The following ASIC2 variants were observed in gnomAD, a reference collection of about 807,000 sequenced individuals.
ASIC2 encodes acid-sensing ion channel 2.
In ASIC2, 25 loss-of-function variants were observed where a neutral mutation model predicts 57.3. The observed-to-expected ratio is 0.44, with a 90% CI of 0.32 to 0.61. ASIC2 has a LOEUF of 0.61. ASIC2 is among the 20% of genes least tolerant of loss of function. The pLI, the probability that ASIC2 is intolerant of heterozygous loss-of-function variation, is 0.06. For missense variants in ASIC2, 641 were observed against 738.1 expected (o/e 0.87, Z 1.52); for synonymous variants, 319 against 307.5 (o/e 1.04, Z -0.39).
At chr17:33,024,516 G>A (rs1378535857) in intron 5 of ASIC2, among the ~76,000 whole-genome samples, 2 of 152,154 alleles carry the variant, frequency 1.3e-5, no homozygotes, top group Non-Finnish European at 2.9e-5. Context: ...CCTGCATCTG[G>A]AACCCTTCCT....
chr17:33,662,039 A>G (rs1395711604), intron 1 of ASIC2, among the ~76,000 whole-genome samples: 24 of 152,168 alleles, frequency 1.6e-4, no homozygotes, highest in Admixed American at 1.6e-3. Flanking sequence ...TTAAGAAATA[A>G]TACTTCCTAC....
chr17:33,218,391 T>C (rs996984801), intron 1 of ASIC2, among the ~76,000 whole-genome samples: 19 of 152,196 alleles, frequency 1.2e-4, no homozygotes, highest in African/African-American at 3.6e-4. Context: ...CTGTGTTCTA[T>C]TCATCTGAGC....
At chr17:33,898,245 T>TTTC (rs1302367896) in intron 1 of ASIC2, among the ~76,000 whole-genome samples, 1 of 101,306 alleles carries the variant, frequency 9.9e-6, no homozygotes, top group Non-Finnish European at 2.0e-5. Flanking sequence ...TTTTTTTTTT[T>TTTC]TTTTTTTTGA....
At chr17:33,689,890 G>T (rs1009580187) in intron 1 of ASIC2, among the ~76,000 whole-genome samples, 2 of 152,202 alleles carry the variant, frequency 1.3e-5, no homozygotes, top group Non-Finnish European at 2.9e-5. Flanking sequence ...ACCACCAGAA[G>T]CTGGAAAGGC....
intron 1 of ASIC2, among the ~76,000 whole-genome samples, chr17:33,773,450 G>A (rs1337515412): frequency 6.6e-6 from 1 of 152,040 alleles, no homozygotes; most frequent in African/African-American, 2.4e-5. Context: ...TATGTGGCGG[G>A]GCAGGTTTGG....
At chr17:33,079,902 C>A (rs1399510190) in intron 3 of ASIC2, among the ~76,000 whole-genome samples, 1 of 152,108 alleles carries the variant, frequency 6.6e-6, no homozygotes, top group Admixed American at 6.5e-5. Context: ...GCACTCCGGC[C>A]ATTTACAGAG....
intron 1 of ASIC2, among the ~76,000 whole-genome samples, chr17:33,859,445 G>A (rs971999099): frequency 2.0e-5 from 3 of 152,170 alleles, no homozygotes; most frequent in South Asian, 4.1e-4. Flanking sequence ...CAATATTACC[G>A]TCCATCTGTT....
chr17:33,791,415 C>T (rs1911768435), intron 1 of ASIC2, among the ~76,000 whole-genome samples: 1 of 152,208 alleles, frequency 6.6e-6, no homozygotes, highest in African/African-American at 2.4e-5. Flanking sequence ...ATTCCTTTTG[C>T]TGTAGAAGTC....
intron 1 of ASIC2, among the ~76,000 whole-genome samples, chr17:33,341,136 A>G (rs1907704935): frequency 6.6e-6 from 1 of 152,206 alleles, no homozygotes; most frequent in African/African-American, 2.4e-5. Context: ...AGTGGTAATC[A>G]AATGTTAGTG....
At chr17:33,269,222 A>T (rs1904348228) in intron 1 of ASIC2, among the ~76,000 whole-genome samples, 1 of 152,096 alleles carries the variant, frequency 6.6e-6, no homozygotes, top group Non-Finnish European at 1.5e-5. Flanking sequence ...TAGAGTAATA[A>T]ATCCAGATCC....
At position 33,528,167 on chromosome 17, in the gene ASIC2, G is replaced by GGTGAGTGTGTGT. The variant is rs1555541094; in HGVS notation, c.556-416101_556-416100insACACACACTCAC. Among the ~76,000 whole-genome samples the GGTGAGTGTGTGT allele has an allele frequency of 7.0e-5, 10 of 143,506 alleles. No individual in the cohort carries two copies. The South Asian group carries it at 2.3e-3, about 33-fold the overall frequency. The allele number at this position is 143,506 out of a possible 152,430, so 94.1% of individuals were successfully genotyped here. Reference sequence around the variant, plus strand: ...GCCTGGCTGACCCGTGTATGTGGTAGGTGTGTGTGTGTGTGTGTGGTTTCC... The same window carrying GGTGAGTGTGTGT: ...GCCTGGCTGACCCGTGTATGTGGTAGGTGAGTGTGTGTGTGTGTGTGTGTGTGTGTGGTTTCC... On this transcript the variant is annotated intron_variant, in intron 1 of 9. Coordinates refer to the ASIC2 transcript ENST00000359872.
chr17:34,029,423 A>G (rs940392596), intron 1 of ASIC2, among the ~76,000 whole-genome samples: 1 of 151,882 alleles, frequency 6.6e-6, no homozygotes, highest in Admixed American at 6.6e-5. Context: ...GACTCTCACT[A>G]CCTTCTAAGT....
intron 1 of ASIC2, among the ~76,000 whole-genome samples, chr17:33,427,043 A>C (rs1911243241): frequency 6.6e-6 from 1 of 152,180 alleles, no homozygotes; most frequent in Non-Finnish European, 1.5e-5. Flanking sequence ...TTAAGCCTGC[A>C]TGGCCAGAAA....
chr17:33,848,298 A>G (rs930741873), intron 1 of ASIC2, among the ~76,000 whole-genome samples: 1 of 152,176 alleles, frequency 6.6e-6, no homozygotes, highest in Non-Finnish European at 1.5e-5. Context: ...AGGGGCAGGC[A>G]ACCTAGGTTA....
chr17:33,777,778 C>T (rs773068900), intron 1 of ASIC2, among the ~76,000 whole-genome samples: 3 of 152,166 alleles, frequency 2.0e-5, no homozygotes, highest in Non-Finnish European at 2.9e-5. Flanking sequence ...TAAAAGTCCT[C>T]CCAGGTAGCA....
intron 1 of ASIC2, among the ~76,000 whole-genome samples, chr17:33,201,683 C>A (rs112156654): frequency 1.3e-5 from 2 of 152,152 alleles, no homozygotes; most frequent in African/African-American, 4.8e-5. Flanking sequence ...TAGCCCTGCT[C>A]GGTAAGGAGC....
intron 1 of ASIC2, among the ~76,000 whole-genome samples, chr17:33,856,723 G>C (rs1913965246): frequency 6.6e-6 from 1 of 152,156 alleles, no homozygotes; most frequent in South Asian, 2.1e-4. Context: ...GAACAAGGAG[G>C]CTAGAGCATT....
chr17:33,040,866 C>T (rs1005041984), intron 3 of ASIC2, among the ~76,000 whole-genome samples: 2 of 152,104 alleles, frequency 1.3e-5, no homozygotes, highest in African/African-American at 2.4e-5. Flanking sequence ...AGTGGGGGTG[C>T]GCCCTGGGCT....
At chr17:34,135,700 T>C (rs1298143480) in intron 1 of ASIC2, among the ~76,000 whole-genome samples, 1 of 152,148 alleles carries the variant, frequency 6.6e-6, no homozygotes, top group East Asian at 1.9e-4. Context: ...CTACAGTCAG[T>C]AATTCACATC....
Sources: gnomAD v4.1 joint callset for allele counts (sites outside exome capture counted in the v4.1 genomes callset) on GRCh38, gnomAD v4.1.1 for gene constraint, MANE v1.5 for transcripts, NCBI Gene and HGNC (gene_info 2026-07-23, HGNC 2026-07-21) for gene names.